YEATS2: variants seen among roughly 807,000 people sequenced by gnomAD.
YEATS2 encodes YEATS domain containing 2.
Under a neutral mutation model 163.2 loss-of-function variants are expected in YEATS2, and 77 were observed. The ratio of observed to expected loss-of-function variants is 0.47; its 90% CI spans 0.39 to 0.57. The LOEUF (loss-of-function observed/expected upper bound fraction) is 0.57. Ranked by LOEUF, YEATS2 falls within the 20% of genes least tolerant of loss-of-function variation. The pLI is 0.00. For missense variants in YEATS2, 1,549 were observed against 1,729.8 expected, an observed-to-expected ratio of 0.90 and a Z score of 1.85; for synonymous variants, 631 against 645.1, an observed-to-expected ratio of 0.98 and a Z score of 0.33.
chr3:183,740,257 G>GA (rs1256386083), intron 8 of YEATS2, among the ~76,000 whole-genome samples: 2 of 151,860 alleles, frequency 1.3e-5, no homozygotes, highest in South Asian at 4.2e-4. Context: ...AAATTTACAA[G>GA]AAAAAAACAA....
At chr3:183,744,422 T>TC (rs1205262020) in intron 8 of YEATS2, among the ~76,000 whole-genome samples, 2 of 152,044 alleles carry the variant, frequency 1.3e-5, no homozygotes, top group African/African-American at 4.8e-5. Flanking sequence ...TGGCCAGTTT[T>TC]ACTTTCTTTT....
At chr3:183,749,330 G>A (rs1719913949) in intron 9 of YEATS2, among the ~76,000 whole-genome samples, 1 of 152,132 alleles carries the variant, frequency 6.6e-6, no homozygotes, top group South Asian at 2.1e-4. Flanking sequence ...CAGTCTAGTG[G>A]CATTAAGTAT....
rs118089624 is a variant in YEATS2 at position 183,700,817 on chromosome 3, G to A, written c.-20+2824G>A. Among the ~76,000 whole-genome samples, 522 of 149,048 alleles carry A rather than the reference G, an allele frequency of 3.5e-3. 11 individuals carry two copies. Among genetic ancestry groups the A allele is most frequent in the East Asian group, 0.035 (176 of 5,086 alleles). The stretch of plus-strand genomic sequence containing the variant: ...AGGCAGATACAAAAAGCCACGTGCT[G>A]TATGATTCTATTTATACGAAATGTC... On this transcript the variant is annotated intron_variant, in intron 1 of 30. Transcript: ENST00000305135.
At chr3:183,786,073 A>G in intron 19 of YEATS2, 52 bp from the exon 20 acceptor site, 1 of 1,573,096 alleles carries the variant, frequency 6.4e-7, no homozygotes, top group East Asian at 2.3e-5. Context: ...GGAATGAGTT[A>G]TGTCTATTAT....
intron 28 of YEATS2, 27 bp downstream of exon 28, chr3:183,807,119 T>TG (rs1248610777): frequency 1.9e-6 from 3 of 1,591,452 alleles, no homozygotes; most frequent in Non-Finnish European, 2.6e-6. Context: ...TAATAGTTCA[T>TG]GCAGCAGACC....
At chr3:183,799,151 T>TA (rs1192732907) in intron 23 of YEATS2, among the ~76,000 whole-genome samples, 162 bp downstream of exon 23, 2 of 152,260 alleles carry the variant, frequency 1.3e-5, no homozygotes, top group African/African-American at 4.8e-5. Context: ...AAATATGTCC[T>TA]AAATGCTCAT....
chr3:183,742,984 ATTAAG>A (rs1446386019), intron 8 of YEATS2, among the ~76,000 whole-genome samples: 6 of 152,346 alleles, frequency 3.9e-5, no homozygotes, highest in South Asian at 2.1e-4. Context: ...GTATTTTTAA[ATTAAG>A]TTATGTAGAT....
intron 1 of YEATS2, among the ~76,000 whole-genome samples, chr3:183,711,499 T>TA (rs1715217969): frequency 6.8e-6 from 1 of 147,350 alleles, no homozygotes. Flanking sequence ...GCTTTAAACA[T>TA]AAAACATAAT....
At chr3:183,703,915 C>T (rs894329070) in intron 1 of YEATS2, among the ~76,000 whole-genome samples, 1 of 151,940 alleles carries the variant, frequency 6.6e-6, no homozygotes, top group African/African-American at 2.4e-5. Flanking sequence ...AATCCCAGCA[C>T]TTTGGGAGGC....
intron 8 of YEATS2, among the ~76,000 whole-genome samples, chr3:183,744,590 T>C (rs996710684): frequency 4.8e-4 from 73 of 152,320 alleles, no homozygotes; most frequent in African/African-American, 1.7e-3. Context: ...TGTTTTAAAA[T>C]GACAATAAAA....
chr3:183,772,835 C>G (rs1467315901), intron 16 of YEATS2, among the ~76,000 whole-genome samples: 1 of 151,900 alleles, frequency 6.6e-6, no homozygotes, highest in Non-Finnish European at 1.5e-5. Context: ...GGGATTGGTT[C>G]CAGGACCCCC....
rs142658644 is a variant in YEATS2 at position 183,699,947 on chromosome 3, G to C, written c.-20+1954G>C. Among the ~76,000 whole-genome samples the C allele has an allele frequency of 2.2e-3, 338 of 152,286 alleles. 2 individuals carry two copies. The highest frequency in any genetic ancestry group is 7.7e-3 in the African/African-American group (318 of 41,556). On this transcript the variant is annotated intron_variant, in intron 1 of 30. Coordinates refer to ENST00000305135, the MANE Select transcript of YEATS2 (RefSeq NM_018023.5). ...CCGGATGTGAGGAAATGAAACTAAT[G>C]AGTGCAAATTAGAAAAAAAGTGCCC...
rs1180480742 is a variant in YEATS2 at position 183,706,776 on chromosome 3, A to T, written c.-19-8368A>T. ...GGTTGCCGCGAGCTGAGATTGTGCC[A>T]TTGCACTCCAGCCTGGACAACAAGA... On this transcript the variant is annotated intron_variant, in intron 1 of 30. Transcript: ENST00000305135. Among the ~76,000 whole-genome samples, 4 of 152,176 alleles carry T rather than the reference A, an allele frequency of 2.6e-5. 1 individual carries two copies. Among genetic ancestry groups the T allele is most frequent in the African/African-American group, 9.6e-5 (4 of 41,458 alleles).
At chr3:183,712,224 T>TTTATTTTA (rs1560220772) in intron 1 of YEATS2, among the ~76,000 whole-genome samples, 4 of 133,298 alleles carry the variant, frequency 3.0e-5, no homozygotes, top group East Asian at 3.9e-4. Context: ...TTTATTTTAT[T>TTTATTTTA]TTTTGAGACA....
Position 183,803,241 on chromosome 3 carries a change from G to A in YEATS2, c.3503-15G>A, listed in dbSNP as rs1020841298. ...AAGAGCTTTATTCAGGCTTTGCTGGGTGTGTGCATTCTAGGTGAAGATGCC... is the reference window on the plus strand; with the variant it reads ...AAGAGCTTTATTCAGGCTTTGCTGGATGTGTGCATTCTAGGTGAAGATGCC... On this transcript the variant is annotated splice_polypyrimidine_tract_variant and intron_variant, in intron 25 of 30. Transcript: ENST00000305135. The A allele has an allele frequency of 3.1e-6, 5 of 1,610,738 alleles. No individual in the cohort carries two copies. The African/African-American group carries it at 5.3e-5, about 17-fold the overall frequency.
intron 1 of YEATS2, among the ~76,000 whole-genome samples, chr3:183,712,127 A>G (rs1241426004): frequency 6.6e-6 from 1 of 150,394 alleles, no homozygotes; most frequent in Non-Finnish European, 1.5e-5. Context: ...CTAAATTGTT[A>G]TTTTTGTTTT....
chr3:183,808,272 T>C (rs1009212050), intron 29 of YEATS2, 168 bp downstream of exon 29: 2 of 601,970 alleles, frequency 3.3e-6, no homozygotes, highest in Non-Finnish European at 5.8e-6. Context: ...CCTTCTGATT[T>C]TTAAATGGAC....
At chr3:183,746,434 T>C (rs1719545623) in intron 8 of YEATS2, among the ~76,000 whole-genome samples, 1 of 152,244 alleles carries the variant, frequency 6.6e-6, no homozygotes, top group Non-Finnish European at 1.5e-5. Context: ...ATAGCCTTCA[T>C]GTCTCCTGAA....
chr3:183,736,964 T>G, intron 8 of YEATS2, 135 bp downstream of exon 8: 1 of 633,078 alleles, frequency 1.6e-6, no homozygotes, highest in Non-Finnish European at 2.7e-6. Flanking sequence ...CCCCAAAACT[T>G]AACTATTAAT....
Sources: gnomAD v4.1 joint callset for allele counts (sites outside exome capture counted in the v4.1 genomes callset) on GRCh38, gnomAD v4.1.1 for gene constraint, MANE v1.5 for transcripts, NCBI Gene and HGNC (gene_info 2026-07-23, HGNC 2026-07-21) for gene names.